CEP112: variants seen among roughly 807,000 people sequenced by gnomAD.
CEP112 encodes the protein centrosomal protein of 112 kDa.
A neutral mutation model predicts 153.0 loss-of-function variants in CEP112; 127 were observed. The ratio of observed to expected loss-of-function variants is 0.83; its 90% CI spans 0.72 to 0.96. The LOEUF is 0.96. Among genes scored for constraint, CEP112 ranks in the 40% least tolerant of loss-of-function variants. The pLI is 0.00. For synonymous variants in CEP112, 358 were observed against 374.4 expected (o/e 0.96, Z 0.51); for missense variants, 1,089 against 1,101.2 (o/e 0.99, Z 0.16).
intron 18 of CEP112, among the ~76,000 whole-genome samples, chr17:65,940,839 T>A (rs1322939162): frequency 6.6e-6 from 1 of 152,144 alleles, no homozygotes; most frequent in Non-Finnish European, 1.5e-5. Context: ...GCGACTATAG[T>A]TAATAATATA....
At chr17:66,012,631 C>G (rs1596323) in intron 16 of CEP112, among the ~76,000 whole-genome samples, 62,498 of 152,018 alleles carry the variant, frequency 0.41, 14,313 homozygotes, top group East Asian at 0.87. Flanking sequence ...TTGTAGGTGA[C>G]GTGCCCCTTC....
intron 23 of CEP112, among the ~76,000 whole-genome samples, chr17:65,700,558 G>A (rs184543712): frequency 1.1e-4 from 17 of 152,246 alleles, no homozygotes; most frequent in African/African-American, 3.1e-4. Flanking sequence ...TGGCTACACC[G>A]AAGGCATGGC....
intron 4 of CEP112, among the ~76,000 whole-genome samples, chr17:66,171,041 T>G (rs117411661): frequency 1.3e-5 from 2 of 152,108 alleles, no homozygotes; most frequent in African/African-American, 2.4e-5. Flanking sequence ...ATAAGCCAGA[T>G]GGAGTATGAC....
At chr17:65,748,805 C>A (rs547821588) in intron 22 of CEP112, among the ~76,000 whole-genome samples, 3 of 152,202 alleles carry the variant, frequency 2.0e-5, no homozygotes, top group African/African-American at 7.2e-5. Flanking sequence ...CATTAACTTA[C>A]ATTTAATTTG....
intron 4 of CEP112, among the ~76,000 whole-genome samples, chr17:66,134,450 C>T (rs2070346072): frequency 6.6e-6 from 1 of 152,192 alleles, no homozygotes; most frequent in Admixed American, 6.5e-5. Context: ...CCTAGACACT[C>T]AAGAAAATGA....
At chr17:66,162,347 C>T (rs775284483) in intron 4 of CEP112, among the ~76,000 whole-genome samples, 2 of 152,154 alleles carry the variant, frequency 1.3e-5, no homozygotes, top group Non-Finnish European at 2.9e-5. Flanking sequence ...GGATGGAGAG[C>T]CATGGGAACT....
chr17:66,186,655 G>A (rs546163237), intron 1 of CEP112, among the ~76,000 whole-genome samples: 3 of 152,288 alleles, frequency 2.0e-5, no homozygotes, highest in Admixed American at 6.5e-5. Flanking sequence ...TGGCAAGGCT[G>A]CAATCCCTTG....
intron 17 of CEP112, among the ~76,000 whole-genome samples, chr17:65,970,229 T>C (rs896301688): frequency 2.3e-5 from 1 of 43,066 alleles, no homozygotes; most frequent in Non-Finnish European, 4.9e-5. Context: ...ATACCATGCA[T>C]ATATGCATGT....
In CEP112 at chr17:66,067,781, T is replaced by A. The variant is rs186928130; in HGVS notation, c.856-904A>T. On this transcript the variant is annotated intron_variant, in intron 9 of 26. Transcript: ENST00000535342. ...ATTTCAGTGATTCCCTAAAATATAA[T>A]TCAGAAATTAAGCTGTCATAAAGTG... 7.6e-4 allele frequency among the ~76,000 whole-genome samples: 115 copies of A among 152,284 alleles called. 2 individuals are homozygous for A. In the South Asian group the frequency reaches 8.5e-3, roughly 11 times the overall value.
intron 3 of CEP112, 33 bp downstream of exon 3, chr17:66,176,797 A>T: frequency 6.7e-7 from 1 of 1,497,658 alleles, no homozygotes; most frequent in Non-Finnish European, 9.0e-7. Flanking sequence ...TTTAAATGAA[A>T]CTAATATATA....
intron 21 of CEP112, among the ~76,000 whole-genome samples, chr17:65,828,055 G>A (rs2056915622): frequency 6.6e-6 from 1 of 152,150 alleles, no homozygotes; most frequent in Admixed American, 6.5e-5. Context: ...GGCTAACAAT[G>A]TATCTCTCCT....
chr17:66,166,916 A>C (rs1022950190), intron 4 of CEP112, among the ~76,000 whole-genome samples: 1 of 151,872 alleles, frequency 6.6e-6, no homozygotes, highest in African/African-American at 2.4e-5. Flanking sequence ...AAAAAAAAAA[A>C]AAAAAACACA....
intron 18 of CEP112, among the ~76,000 whole-genome samples, chr17:65,931,363 G>A (rs890714340): frequency 1.3e-5 from 2 of 152,166 alleles, no homozygotes; most frequent in African/African-American, 4.8e-5. Flanking sequence ...ATGGTTTCAC[G>A]TTGACTGTAT....
At chr17:65,950,078 G>A (rs2061771912) in intron 18 of CEP112, among the ~76,000 whole-genome samples, 1 of 152,084 alleles carries the variant, frequency 6.6e-6, no homozygotes, top group Non-Finnish European at 1.5e-5. Context: ...GAGACACAGT[G>A]TTAAAATGAT....
chr17:66,030,150 A>G, intron 12 of CEP112, 127 bp from the exon 13 acceptor site: 1 of 715,078 alleles, frequency 1.4e-6, no homozygotes, highest in Admixed American at 3.5e-5. Context: ...AAACCATGGT[A>G]GTAGAAATTA....
chr17:66,121,105 C>T (rs1418972459), intron 6 of CEP112, among the ~76,000 whole-genome samples: 1 of 151,926 alleles, frequency 6.6e-6, no homozygotes, highest in East Asian at 1.9e-4. Flanking sequence ...ATGGAGAAAC[C>T]CCGTCTCTAC....
chr17:65,934,650 C>G (rs984563991), intron 18 of CEP112, among the ~76,000 whole-genome samples: 2 of 152,134 alleles, frequency 1.3e-5, no homozygotes, highest in African/African-American at 4.8e-5. Context: ...AGACTCATGT[C>G]ATGTTTATGG....
intron 17 of CEP112, among the ~76,000 whole-genome samples, chr17:65,968,131 T>A (rs902697697): frequency 2.6e-5 from 4 of 152,052 alleles, no homozygotes; most frequent in Admixed American, 2.6e-4. Flanking sequence ...TCTTGTAAAA[T>A]GACAAAACCT....
chr17:66,155,112 T>C lies in CEP112; in HGVS notation c.470+19932A>G, dbSNP rs367988753. Among the ~76,000 whole-genome samples the C allele has an allele frequency of 3.1e-4, 47 of 152,110 alleles. 1 individual carries two copies. The East Asian group carries it at 3.3e-3, about 11-fold the overall frequency. ...TCCAGAACTGTGAGTCAGGGCCAAATAGAAACAGCTCCAGTCAGGAGCTCC... is the reference window on the plus strand; with the variant it reads ...TCCAGAACTGTGAGTCAGGGCCAAACAGAAACAGCTCCAGTCAGGAGCTCC... On this transcript the variant is annotated intron_variant, in intron 4 of 26. Transcript: ENST00000535342.
Sources: allele counts gnomAD v4.1 joint callset (sites outside exome capture counted in the v4.1 genomes callset), GRCh38; gene constraint gnomAD v4.1.1; transcripts MANE v1.5; gene names NCBI Gene and HGNC (gene_info 2026-07-23, HGNC 2026-07-21).